TDRP: variants seen among roughly 807,000 people sequenced by gnomAD.
The protein encoded by TDRP is testis development related protein.
Under a neutral mutation model 10.5 loss-of-function variants are expected in TDRP, and 12 were observed. The ratio of observed to expected loss-of-function variants is 1.15; its 90% CI spans 0.73 to 1.86. The LOEUF is 1.86. Ranked by LOEUF, TDRP falls within the 40% of genes most tolerant of loss-of-function variation. TDRP has a pLI of 0.00. For missense variants in TDRP, 353 were observed against 229.2 expected (o/e 1.54, Z -3.49); for synonymous variants, 139 against 95.4 (o/e 1.46, Z -2.67).
chr8:544,543 A>C, intron 1 of TDRP, 107 bp downstream of exon 1: 3 of 768,074 alleles, frequency 3.9e-6, no homozygotes, highest in African/African-American at 3.6e-5. Flanking sequence ...CTGCCCGCCC[A>C]AACTGTGCCC....
rs546160056 is a variant in TDRP, at chr8:541,193, T to G, written c.108+3457A>C. ...GATCAGTCCTCTTGAAGAAATTAAC[T>G]AAATTTAGAATAAGACTAATCTGTC... On this transcript the variant is annotated intron_variant, in intron 1 of 2. Coordinates refer to ENST00000324079, the MANE Select transcript of TDRP (RefSeq NM_001384899.1). Among the ~76,000 whole-genome samples the G allele has an allele frequency of 2.6e-5, 4 of 152,376 alleles. No homozygotes were observed. In the East Asian group the frequency reaches 7.7e-4, roughly 29 times the overall value.
intron 1 of TDRP, among the ~76,000 whole-genome samples, chr8:532,774 T>C (rs77790704): frequency 0.014 from 2,126 of 152,308 alleles, 40 homozygotes; most frequent in African/African-American, 0.049. Flanking sequence ...TCCTTTAGTC[T>C]AAACTAAGGG....
chr8:518,352 G>T lies in TDRP; in HGVS notation c.109-23755C>A, dbSNP rs144910032. Among the ~76,000 whole-genome samples the T allele has an allele frequency of 1.2e-3, 185 of 152,234 alleles. 1 individual carries two copies. Among genetic ancestry groups the T allele is most frequent in the African/African-American group, 4.3e-3 (177 of 41,554 alleles). On this transcript the variant is annotated intron_variant, in intron 1 of 2. Transcript: ENST00000324079. ...CTGGCTCAATAACACACACAACAAAGCCAACAGGCATGGGTACACATAAGT... is the reference window on the plus strand; with the variant it reads ...CTGGCTCAATAACACACACAACAAATCCAACAGGCATGGGTACACATAAGT...
At chr8:508,068 A>G (rs894736538) in intron 1 of TDRP, among the ~76,000 whole-genome samples, 10 of 152,224 alleles carry the variant, frequency 6.6e-5, no homozygotes, top group African/African-American at 2.4e-4. Flanking sequence ...TCAAAGAACC[A>G]TTATAAATAT....
At chr8:527,803 G>A (rs565331665) in intron 1 of TDRP, among the ~76,000 whole-genome samples, 33 of 152,146 alleles carry the variant, frequency 2.2e-4, no homozygotes, top group Admixed American at 1.7e-3. Context: ...CTCACACTAC[G>A]AAACTACTAA....
chr8:534,229 C>G (rs1224577879), intron 1 of TDRP, among the ~76,000 whole-genome samples: 2 of 152,106 alleles, frequency 1.3e-5, no homozygotes, highest in Non-Finnish European at 2.9e-5. Context: ...CTAAGATCAT[C>G]GAATATAAAA....
At chr8:518,307 A>T (rs1052099527) in intron 1 of TDRP, among the ~76,000 whole-genome samples, 1 of 152,222 alleles carries the variant, frequency 6.6e-6, no homozygotes, top group Admixed American at 6.5e-5. Context: ...CTATTGAAAA[A>T]GAGAAGATGA....
chr8:511,956 G>GA (rs1040711663), intron 1 of TDRP, among the ~76,000 whole-genome samples: 1 of 151,792 alleles, frequency 6.6e-6, no homozygotes, highest in Non-Finnish European at 1.5e-5. Flanking sequence ...TGTCTATAAA[G>GA]AAAAAAAGAT....
At chr8:542,576 G>A (rs915082650) in intron 1 of TDRP, among the ~76,000 whole-genome samples, 11 of 152,088 alleles carry the variant, frequency 7.2e-5, no homozygotes, top group Admixed American at 6.6e-4. Flanking sequence ...TAGATGTACA[G>A]ATAACAGGCC....
chr8:528,068 A>C, intron 1 of TDRP, among the ~76,000 whole-genome samples: 1 of 152,136 alleles, frequency 6.6e-6, no homozygotes, highest in East Asian at 1.9e-4. Context: ...ATAGGAAAAA[A>C]CCTAATAATC....
At chr8:510,327 C>T (rs1801581502) in intron 1 of TDRP, among the ~76,000 whole-genome samples, 1 of 152,102 alleles carries the variant, frequency 6.6e-6, no homozygotes, top group South Asian at 2.1e-4. Context: ...ATCTAGGGGC[C>T]CACTTCAAGT....
At chr8:504,097 C>T (rs1032161396) in intron 1 of TDRP, among the ~76,000 whole-genome samples, 1 of 152,196 alleles carries the variant, frequency 6.6e-6, no homozygotes, top group Admixed American at 6.5e-5. Flanking sequence ...AATCCAGAGC[C>T]ACGTGTCGGA....
chr8:500,083 C>G (rs180861068), intron 1 of TDRP, among the ~76,000 whole-genome samples: 136 of 152,298 alleles, frequency 8.9e-4, no homozygotes, highest in African/African-American at 3.1e-3. Flanking sequence ...ACAATGAAGA[C>G]AGATGAGATG....
chr8:523,634 G>C (rs1253465295), intron 1 of TDRP, among the ~76,000 whole-genome samples: 1 of 152,152 alleles, frequency 6.6e-6, no homozygotes, highest in African/African-American at 2.4e-5. Flanking sequence ...CTTGGGCCTT[G>C]AGTTAACATC....
chr8:504,939 G>C (rs1398595947), intron 1 of TDRP, among the ~76,000 whole-genome samples: 1 of 152,094 alleles, frequency 6.6e-6, no homozygotes, highest in African/African-American at 2.4e-5. Flanking sequence ...TACATATTTG[G>C]AAAGATTTGG....
chr8:532,408 C>T (rs1190882028), intron 1 of TDRP, among the ~76,000 whole-genome samples: 1 of 152,204 alleles, frequency 6.6e-6, no homozygotes, highest in Non-Finnish European at 1.5e-5. Flanking sequence ...ACCCATCACA[C>T]AGTTCTTGCT....
chr8:537,166 C>A (rs185832287), intron 1 of TDRP, among the ~76,000 whole-genome samples: 4 of 152,206 alleles, frequency 2.6e-5, no homozygotes, highest in African/African-American at 9.6e-5. Flanking sequence ...ACTGCTGAGC[C>A]CCACGTGGGC....
intron 1 of TDRP, among the ~76,000 whole-genome samples, chr8:511,969 C>G (rs1197806335): frequency 6.6e-6 from 1 of 152,010 alleles, no homozygotes; most frequent in Non-Finnish European, 1.5e-5. Flanking sequence ...AAAAAGATAT[C>G]AAATCAATAA....
chr8:533,356 G>A (rs534024703), intron 1 of TDRP, among the ~76,000 whole-genome samples: 7 of 152,236 alleles, frequency 4.6e-5, no homozygotes, highest in Admixed American at 6.5e-5. Flanking sequence ...AGTTCCTTGC[G>A]ACTGTCAGGG....
Sources: allele counts gnomAD v4.1 joint callset (sites outside exome capture counted in the v4.1 genomes callset), GRCh38; gene constraint gnomAD v4.1.1; transcripts MANE v1.5; gene names NCBI Gene and HGNC (gene_info 2026-07-23, HGNC 2026-07-21).